Variants in MYCBP2 observed in about 807,000 individuals in gnomAD.
The protein encoded by MYCBP2 is MYC binding protein 2, also known as E3 ubiquitin-protein ligase MYCBP2.
In MYCBP2, 120 loss-of-function variants were observed where a neutral mutation model predicts 525.3. The ratio of observed to expected loss-of-function variants is 0.23; its 90% CI spans 0.20 to 0.27. The LOEUF is 0.27. MYCBP2 is among the 10% of genes least tolerant of loss of function. The pLI is 1.00. For synonymous variants in MYCBP2, 1,894 were observed against 1,955.8 expected (o/e 0.97, Z 0.83); for missense variants, 4,149 against 5,657.1 (o/e 0.73, Z 8.55).
At chr13:77,298,524 G>A (rs1205614067) in intron 1 of MYCBP2, among the ~76,000 whole-genome samples, 1 of 152,178 alleles carries the variant, frequency 6.6e-6, no homozygotes, top group African/African-American at 2.4e-5. Context: ...TACTCAACGA[G>A]TATTTTAAGA....
At chr13:77,125,226 T>C in intron 54 of MYCBP2, 110 bp downstream of exon 54, 1 of 1,390,950 alleles carries the variant, frequency 7.2e-7, no homozygotes, top group Non-Finnish European at 9.7e-7. Context: ...TTTTGCTTGT[T>C]AAAAAGCAAA....
chr13:77,231,894 T>A (rs1396682933), intron 18 of MYCBP2, among the ~76,000 whole-genome samples: 1 of 152,228 alleles, frequency 6.6e-6, no homozygotes, highest in Non-Finnish European at 1.5e-5. Context: ...TATATATGTA[T>A]CTTTTCTTTT....
At chr13:77,216,638 A>G (rs772608594) in intron 21 of MYCBP2, among the ~76,000 whole-genome samples, 4 of 152,222 alleles carry the variant, frequency 2.6e-5, no homozygotes, top group Admixed American at 6.5e-5. Flanking sequence ...ACATGAGGAC[A>G]TTATCAAAGA....
chr13:77,115,151 A>G (rs2154150391), intron 55 of MYCBP2, among the ~76,000 whole-genome samples: 1 of 152,056 alleles, frequency 6.6e-6, no homozygotes, highest in Non-Finnish European at 1.5e-5. Flanking sequence ...TTAAATACCT[A>G]CAGTCAATAA....
rs987761558 is a variant in MYCBP2, at chr13:77,288,039, C to T, written c.594+122G>A. 38 of 952,766 alleles carry T rather than the reference C, an allele frequency of 4.0e-5. No individual in the cohort carries two copies. The Middle Eastern group carries it at 1.1e-3, about 28-fold the overall frequency. The allele number at this position is 952,766 out of a possible 1,614,324, so 59.0% of individuals were successfully genotyped here. A position where few individuals can be genotyped will look rare whatever the true frequency, so the allele number is the denominator to read the frequency against. On this transcript the variant is annotated intron_variant, in intron 3 of 82. Transcript: ENST00000544440. ...TCCAAATCTATTTTTGCCCATAAGC[C>T]GTGTTATTTTTAGTGTGCAATTTTA...
At chr13:77,318,356 G>C (rs2081208323) in intron 1 of MYCBP2, among the ~76,000 whole-genome samples, 1 of 152,188 alleles carries the variant, frequency 6.6e-6, no homozygotes, top group South Asian at 2.1e-4. Flanking sequence ...TGTTTATTAA[G>C]TAGTTAGATC....
intron 1 of MYCBP2, 42 bp from the exon 2 acceptor site, chr13:77,296,716 A>C: frequency 8.1e-7 from 1 of 1,228,548 alleles, no homozygotes; most frequent in Non-Finnish European, 1.1e-6. Flanking sequence ...ATGAATGTTC[A>C]TATTAGGACA....
intron 54 of MYCBP2, 52 bp downstream of exon 54, chr13:77,125,284 T>G (rs572797313): frequency 3.2e-5 from 52 of 1,606,968 alleles, no homozygotes; most frequent in Non-Finnish European, 4.3e-5. Flanking sequence ...GGCATTAAAC[T>G]TCTGTATTTG....
At chr13:77,205,157 T>G in intron 26 of MYCBP2, 99 bp downstream of exon 26, 1 of 1,155,138 alleles carries the variant, frequency 8.7e-7, no homozygotes, top group African/African-American at 1.6e-5. Flanking sequence ...TAAACCCAGT[T>G]AAAAAGGAAA....
chr13:77,143,901 C>T (rs1435621936), intron 49 of MYCBP2, among the ~76,000 whole-genome samples: 1 of 152,134 alleles, frequency 6.6e-6, no homozygotes, highest in African/African-American at 2.4e-5. Context: ...AGAAAAGGTA[C>T]AGGAAAATCT....
At chr13:77,117,957 C>T (rs1433567551) in intron 55 of MYCBP2, among the ~76,000 whole-genome samples, 1 of 152,092 alleles carries the variant, frequency 6.6e-6, no homozygotes, top group East Asian at 1.9e-4. Context: ...ACTAAATTGT[C>T]ATACATTTCA....
chr13:77,212,634 A>G (rs1054045062), intron 21 of MYCBP2, among the ~76,000 whole-genome samples: 6 of 152,236 alleles, frequency 3.9e-5, no homozygotes, highest in Non-Finnish European at 8.8e-5. Flanking sequence ...AACTGTGAAT[A>G]CAATTAGAAA....
At chr13:77,070,332 G>A (rs2040965004) in intron 69 of MYCBP2, among the ~76,000 whole-genome samples, 1 of 152,124 alleles carries the variant, frequency 6.6e-6, no homozygotes, top group Non-Finnish European at 1.5e-5. Flanking sequence ...GCAGCCGGGG[G>A]ACTGCCTGTG....
intron 18 of MYCBP2, among the ~76,000 whole-genome samples, chr13:77,231,992 T>C (rs530910137): frequency 6.6e-6 from 1 of 152,236 alleles, no homozygotes; most frequent in Non-Finnish European, 1.5e-5. Context: ...CAAATTTTAC[T>C]GTGGTTAATT....
chr13:77,142,620 C>T (rs765949079), intron 49 of MYCBP2, among the ~76,000 whole-genome samples: 2 of 152,188 alleles, frequency 1.3e-5, no homozygotes, highest in Non-Finnish European at 1.5e-5. Context: ...AGGGGTCCCA[C>T]GATAAGGATT....
chr13:77,088,764 T>C, intron 61 of MYCBP2, 68 bp downstream of exon 61: 1 of 1,362,932 alleles, frequency 7.3e-7, no homozygotes, highest in East Asian at 2.3e-5. Context: ...AAAAGTGGCA[T>C]CGTGAAATAG....
At chr13:77,170,307 G>A (rs191913845) in intron 38 of MYCBP2, among the ~76,000 whole-genome samples, 111 of 152,284 alleles carry the variant, frequency 7.3e-4, no homozygotes, top group Non-Finnish European at 1.5e-3. Context: ...ATTTTAGTCA[G>A]TTATCCATGA....
At chr13:77,082,900 G>C (rs2043548104) in intron 63 of MYCBP2, 132 bp downstream of exon 63, 1 of 757,118 alleles carries the variant, frequency 1.3e-6, no homozygotes, top group Non-Finnish European at 2.0e-6. Context: ...CTGTAAGGAG[G>C]GAGGCACCAT....
intron 41 of MYCBP2, 32 bp from the exon 42 acceptor site, chr13:77,165,423 C>T (rs768005670): frequency 2.1e-6 from 3 of 1,459,096 alleles, no homozygotes; most frequent in South Asian, 2.5e-5. Context: ...AGTTCAAACT[C>T]TAAAACAATT....
Sources: allele counts gnomAD v4.1 joint callset (sites outside exome capture counted in the v4.1 genomes callset), GRCh38; gene constraint gnomAD v4.1.1; transcripts MANE v1.5; gene names NCBI Gene and HGNC (gene_info 2026-07-23, HGNC 2026-07-21).